CNBD1: variants seen among roughly 807,000 people sequenced by gnomAD.
The protein encoded by CNBD1 is cyclic nucleotide-binding domain-containing protein 1.
CNBD1 carries 71 observed loss-of-function variants against 54.4 expected under a neutral mutation model. That is an observed-to-expected ratio of 1.30 (90% CI 1.08 to 1.59). The LOEUF is 1.59. Ranked by LOEUF, CNBD1 falls within the 40% of genes most tolerant of loss-of-function variation. The probability of loss-of-function intolerance (pLI) is 0.00; values close to 1 mark genes in which losing one functional copy is unlikely to be tolerated. For missense variants in CNBD1, 659 were observed against 518.0 expected (o/e 1.27, Z -2.64); for synonymous variants, 182 against 170.7 (o/e 1.07, Z -0.51).
intron 4 of CNBD1, among the ~76,000 whole-genome samples, chr8:87,194,015 G>C (rs1328551382): frequency 6.6e-6 from 1 of 152,158 alleles, no homozygotes; most frequent in African/African-American, 2.4e-5. Context: ...AGCAAGGGAG[G>C]GAAGCTGAGC....
chr8:87,410,688 T>C (rs1272662142), intron 2 of CNBD1, among the ~76,000 whole-genome samples: 6 of 152,194 alleles, frequency 3.9e-5, no homozygotes, highest in African/African-American at 1.4e-4. Flanking sequence ...TAAAAGAAGT[T>C]CTACTGTGGG....
At position 87,075,118 on chromosome 8, in the gene CNBD1, A is replaced by G. The variant is rs1031504211; in HGVS notation, c.432-130875A>G. On this transcript the variant is annotated intron_variant, in intron 4 of 10. Transcript: ENST00000518476. ...TAAAACTCCTGGAGCACTATGGCAC[A>G]TAGTGAGCATATATGAAGTTAATCA... 7.2e-5 allele frequency among the ~76,000 whole-genome samples: 11 copies of G among 152,352 alleles called. No individual in the cohort carries two copies. In the East Asian group the frequency reaches 2.1e-3, roughly 29 times the overall value.
At chr8:86,878,450 C>T (rs756704167) in intron 1 of CNBD1, among the ~76,000 whole-genome samples, 2 of 151,562 alleles carry the variant, frequency 1.3e-5, no homozygotes, top group African/African-American at 2.4e-5. Context: ...GTGCTGTCAT[C>T]GTTTAAATTC....
intron 2 of CNBD1, among the ~76,000 whole-genome samples, chr8:87,403,314 A>G (rs1202525781): frequency 2.0e-5 from 3 of 152,038 alleles, no homozygotes; most frequent in South Asian, 2.1e-4. Flanking sequence ...ATCAAGCACT[A>G]TAGGGAATGG....
At chr8:87,336,690 A>G (rs546180971) in intron 8 of CNBD1, among the ~76,000 whole-genome samples, 1 of 152,246 alleles carries the variant, frequency 6.6e-6, no homozygotes, top group African/African-American at 2.4e-5. Flanking sequence ...TCTGAAGCCT[A>G]CTTCTATCAA....
chr8:87,004,464 C>T (rs1305712253), intron 4 of CNBD1, among the ~76,000 whole-genome samples: 1 of 150,640 alleles, frequency 6.6e-6, no homozygotes, highest in Non-Finnish European at 1.5e-5. Context: ...TAAATATAAA[C>T]ATTTTATATT....
intron 8 of CNBD1, among the ~76,000 whole-genome samples, chr8:87,348,329 T>C (rs1306372562): frequency 6.6e-6 from 1 of 152,188 alleles, no homozygotes; most frequent in East Asian, 1.9e-4. Flanking sequence ...GGGTAAAGTA[T>C]TGATGTTTAC....
chr8:87,407,699 A>C (rs1333340472), intron 2 of CNBD1, among the ~76,000 whole-genome samples: 1 of 152,070 alleles, frequency 6.6e-6, no homozygotes, highest in East Asian at 1.9e-4. Context: ...AATTTGGATA[A>C]GTAGGTAACC....
chr8:86,901,350 TAA>T (rs1563815610), intron 2 of CNBD1, among the ~76,000 whole-genome samples: 3 of 152,180 alleles, frequency 2.0e-5, no homozygotes, highest in African/African-American at 7.2e-5. Flanking sequence ...AAACAATATA[TAA>T]GTGAATGAAT....
chr8:86,906,004 A>G (rs1809011836), intron 3 of CNBD1, among the ~76,000 whole-genome samples: 1 of 152,112 alleles, frequency 6.6e-6, no homozygotes. Flanking sequence ...CTATTGCCAT[A>G]TCTGTAAGAC....
intron 2 of CNBD1, among the ~76,000 whole-genome samples, chr8:86,890,076 ATCACT>A (rs1295753101): frequency 6.6e-6 from 1 of 152,120 alleles, no homozygotes; most frequent in East Asian, 1.9e-4. Context: ...TAATATATCC[ATCACT>A]TCTCTTACTT....
At chr8:86,970,662 T>G (rs970038198) in intron 4 of CNBD1, among the ~76,000 whole-genome samples, 1 of 152,198 alleles carries the variant, frequency 6.6e-6, no homozygotes, top group Non-Finnish European at 1.5e-5. Context: ...TAAGTTCCTA[T>G]GTATGTAGTG....
chr8:87,371,608 A>G (rs1810799709), intron 10 of CNBD1, among the ~76,000 whole-genome samples: 1 of 152,016 alleles, frequency 6.6e-6, no homozygotes, highest in Non-Finnish European at 1.5e-5. Flanking sequence ...GGCAAACTGA[A>G]TCCAGCAGCA....
chr8:87,410,620 G>T (rs1454914160), intron 2 of CNBD1, among the ~76,000 whole-genome samples: 1 of 152,144 alleles, frequency 6.6e-6, no homozygotes, highest in African/African-American at 2.4e-5. Context: ...ACTTAGTGAA[G>T]CAATGACAGG....
intron 6 of CNBD1, among the ~76,000 whole-genome samples, chr8:87,255,974 TATATATATATATA>T (rs1808000034): frequency 1.2e-4 from 1 of 8,084 alleles, no homozygotes; most frequent in African/African-American, 5.0e-4. Context: ...CAGCTACAAA[TATATATATATATA>T]TATATATATA....
intron 4 of CNBD1, among the ~76,000 whole-genome samples, chr8:87,027,909 G>A (rs1312406273): frequency 2.6e-5 from 4 of 152,106 alleles, no homozygotes; most frequent in African/African-American, 4.8e-5. Context: ...GGAAACAGTC[G>A]GTATGCTTCC....
In CNBD1 at chr8:87,382,733, T is replaced by C. The variant is rs1811106691; in HGVS notation, c.*106T>C. ...AACTACCAGCAATGAATTTGGTCTA[T>C]TGTGACTACATATCCTGGATTCCCC... is the stretch of plus-strand genomic sequence containing the variant. On this transcript the variant is annotated 3_prime_UTR_variant, in exon 11 of 11. Transcript: ENST00000518476. 2.5e-6 allele frequency: 2 copies of C among 805,244 alleles called. No individual in the cohort carries two copies. The allele number at this position is 805,244 out of a possible 1,614,324, so 49.9% of individuals were successfully genotyped here.
intron 4 of CNBD1, among the ~76,000 whole-genome samples, chr8:87,120,156 T>G (rs1811861631): frequency 6.6e-6 from 1 of 151,994 alleles, no homozygotes; most frequent in South Asian, 2.1e-4. Flanking sequence ...AGAATTAGTA[T>G]TAGTTCTTTG....
intron 4 of CNBD1, 70 bp from the exon 5 acceptor site, chr8:87,205,916 CTTAAAAA>C (rs1813961980): frequency 1.1e-5 from 13 of 1,186,242 alleles, no homozygotes; most frequent in Non-Finnish European, 1.3e-5. Flanking sequence ...AATTTGGAAA[CTTAAAAA>C]TTAAGGATCT....
Sources: allele counts gnomAD v4.1 joint callset (sites outside exome capture counted in the v4.1 genomes callset), GRCh38; gene constraint gnomAD v4.1.1; transcripts MANE v1.5; gene names NCBI Gene and HGNC (gene_info 2026-07-23, HGNC 2026-07-21).